The following SPTLC2 variants were observed in gnomAD, a reference collection of about 807,000 sequenced individuals.
The protein encoded by SPTLC2 is serine palmitoyltransferase 2.
Under a neutral mutation model 62.0 loss-of-function variants are expected in SPTLC2, and 21 were observed. That is an observed-to-expected ratio of 0.34 (90% CI 0.24 to 0.49). The LOEUF (loss-of-function observed/expected upper bound fraction) is 0.49, where lower values mean the gene tolerates loss of function less well. SPTLC2 is among the 20% of genes least tolerant of loss of function. The pLI is 0.99. For missense variants in SPTLC2, 511 were observed against 713.0 expected, an observed-to-expected ratio of 0.72 and a Z score of 3.23; for synonymous variants, 261 against 261.8, an observed-to-expected ratio of 1.00 and a Z score of 0.03.
At chr14:77,579,457 T>C (rs565013344) in intron 2 of SPTLC2, among the ~76,000 whole-genome samples, 17 of 152,212 alleles carry the variant, frequency 1.1e-4, no homozygotes, top group Non-Finnish European at 1.9e-4. Flanking sequence ...TTTAATTAAC[T>C]GCTAAATCAG....
chr14:77,552,329 G>A, intron 8 of SPTLC2, 107 bp from the exon 9 acceptor site: 1 of 1,301,446 alleles, frequency 7.7e-7, no homozygotes, highest in African/African-American at 1.4e-5. Flanking sequence ...AATGGCACTG[G>A]AATAGGGACA....
At chr14:77,559,366 C>G (rs1259733567) in intron 6 of SPTLC2, among the ~76,000 whole-genome samples, 1 of 151,984 alleles carries the variant, frequency 6.6e-6, no homozygotes, top group Non-Finnish European at 1.5e-5. Context: ...ATATTATCTA[C>G]TTAGAAAAAA....
chr14:77,540,094 G>T (rs1264176614), intron 9 of SPTLC2, among the ~76,000 whole-genome samples: 1 of 151,520 alleles, frequency 6.6e-6, no homozygotes, highest in Non-Finnish European at 1.5e-5. Context: ...TACTCGGGAA[G>T]CTGAGGCAGG....
In SPTLC2 at chr14:77,538,583, T is replaced by G. The variant is rs527952510; in HGVS notation, c.1303+13513A>C. On this transcript the variant is annotated intron_variant, in intron 9 of 11. Coordinates refer to ENST00000216484, the MANE Select transcript of SPTLC2 (RefSeq NM_004863.4). The stretch of plus-strand genomic sequence containing the variant: ...TTTAATTTGGTTCTATATAAACTTT[T>G]TTTTTGAGACAGAGTCTTGCTCTGT... 3.3e-5 allele frequency among the ~76,000 whole-genome samples: 5 copies of G among 152,306 alleles called. 1 individual carries two copies. In the South Asian group the frequency reaches 1.0e-3, roughly 32 times the overall value.
intron 9 of SPTLC2, among the ~76,000 whole-genome samples, chr14:77,537,406 T>C (rs2079477029): frequency 6.6e-6 from 1 of 152,202 alleles, no homozygotes; most frequent in African/African-American, 2.4e-5. Context: ...ATGCCGTTTA[T>C]GTGTGGTCTC....
intron 10 of SPTLC2, among the ~76,000 whole-genome samples, chr14:77,519,497 A>C (rs2079375762): frequency 6.6e-6 from 1 of 151,902 alleles, no homozygotes; most frequent in Admixed American, 6.6e-5. Context: ...CGGGCAGATC[A>C]CCTGAGGTCA....
chr14:77,521,954 GC>G (rs1205512682), intron 9 of SPTLC2, among the ~76,000 whole-genome samples: 1 of 152,142 alleles, frequency 6.6e-6, no homozygotes, highest in Admixed American at 6.5e-5. Context: ...GTAGTGACAT[GC>G]CTACAGTTGC....
At chr14:77,541,973 T>A (rs2079502958) in intron 9 of SPTLC2, among the ~76,000 whole-genome samples, 1 of 150,776 alleles carries the variant, frequency 6.6e-6, no homozygotes, top group South Asian at 2.1e-4. Context: ...ATGAGAATGG[T>A]TTGAACCTGG....
intron 9 of SPTLC2, among the ~76,000 whole-genome samples, chr14:77,543,240 C>A (rs553766433): frequency 6.6e-6 from 1 of 152,144 alleles, no homozygotes; most frequent in South Asian, 2.1e-4. Flanking sequence ...AGTAGAGACA[C>A]GGTTTCACTA....
intron 9 of SPTLC2, among the ~76,000 whole-genome samples, chr14:77,525,449 G>C (rs972075145): frequency 6.6e-6 from 1 of 152,002 alleles, no homozygotes; most frequent in Non-Finnish European, 1.5e-5. Flanking sequence ...AATTAGCCAG[G>C]TGTGGTGGTG....
chr14:77,584,795 A>T (rs1465446957), intron 2 of SPTLC2, among the ~76,000 whole-genome samples: 1 of 151,518 alleles, frequency 6.6e-6, no homozygotes, highest in South Asian at 2.1e-4. Context: ...CAAGACACAC[A>T]GACACACACA....
rs762826071 is a variant in SPTLC2, at chr14:77,576,871, T to C, written c.527A>G (p.Tyr176Cys). The change falls in exon 4 of 12, where the codon TAC becomes TGC. Residue 176 changes from tyrosine (Y) to cysteine (C), a missense_variant. Transcript: ENST00000216484. The part of the protein sequence containing the change: ...IIKGVINMGS[Y>C]NYLGFARNTG... Reference sequence around the variant, plus strand: ...ATTCCGTGCAAATCCAAGATAGTTGTAGGAACCCATGTTTATAACACCCTT... The same window carrying C: ...ATTCCGTGCAAATCCAAGATAGTTGCAGGAACCCATGTTTATAACACCCTT... 6.2e-7 allele frequency: 1 copy of C among 1,614,188 alleles called. No homozygotes were observed. Among genetic ancestry groups the C allele is most frequent in the Non-Finnish European group, 8.5e-7 (1 of 1,180,038 alleles).
At chr14:77,606,828 C>T (rs539498933) in intron 1 of SPTLC2, among the ~76,000 whole-genome samples, 2 of 151,984 alleles carry the variant, frequency 1.3e-5, no homozygotes, top group Non-Finnish European at 2.9e-5. Context: ...CTCTACACAA[C>T]ATTTTCAAAA....
chr14:77,616,220 C>G (rs2079966047), intron 1 of SPTLC2, among the ~76,000 whole-genome samples: 1 of 151,966 alleles, frequency 6.6e-6, no homozygotes, highest in Non-Finnish European at 1.5e-5. Flanking sequence ...GAACCCAGAG[C>G]TCCGGGAGTA....
intron 6 of SPTLC2, among the ~76,000 whole-genome samples, chr14:77,559,852 C>T (rs2079605375): frequency 6.6e-6 from 1 of 152,080 alleles, no homozygotes; most frequent in South Asian, 2.1e-4. Context: ...GGTTCTGCTA[C>T]TTCACTCCAG....
At chr14:77,586,222 T>C (rs2079780671) in intron 2 of SPTLC2, among the ~76,000 whole-genome samples, 1 of 151,862 alleles carries the variant, frequency 6.6e-6, no homozygotes, top group Non-Finnish European at 1.5e-5. Flanking sequence ...ATTACAGGTG[T>C]GCACCACCAT....
chr14:77,550,401 C>T (rs555887269), intron 9 of SPTLC2, among the ~76,000 whole-genome samples: 1 of 152,132 alleles, frequency 6.6e-6, no homozygotes, highest in African/African-American at 2.4e-5. Flanking sequence ...ACGGAGAAAC[C>T]CGGTCTCTAC....
intron 1 of SPTLC2, among the ~76,000 whole-genome samples, chr14:77,615,462 C>A (rs377494487): frequency 2.0e-5 from 3 of 152,344 alleles, no homozygotes; most frequent in African/African-American, 7.2e-5. Flanking sequence ...TAAAGGGAAA[C>A]AGAGTACTTT....
At chr14:77,550,490 G>A (rs948855353) in intron 9 of SPTLC2, among the ~76,000 whole-genome samples, 1 of 151,982 alleles carries the variant, frequency 6.6e-6, no homozygotes, top group African/African-American at 2.4e-5. Context: ...CAGGAGAATC[G>A]CTTGAACCTG....
Sources: allele counts gnomAD v4.1 joint callset (sites outside exome capture counted in the v4.1 genomes callset), GRCh38; gene constraint gnomAD v4.1.1; transcripts MANE v1.5; gene names NCBI Gene and HGNC (gene_info 2026-07-23, HGNC 2026-07-21).